Variants in ATP11B observed in about 807,000 individuals in gnomAD.
ATP11B encodes ATPase phospholipid transporting 11B (putative), also known as phospholipid-transporting ATPase IF.
Under a neutral mutation model 157.8 loss-of-function variants are expected in ATP11B, and 81 were observed. The ratio of observed to expected loss-of-function variants is 0.51; its 90% CI spans 0.43 to 0.62. The LOEUF (loss-of-function observed/expected upper bound fraction) is 0.62. ATP11B is among the 20% of genes least tolerant of loss of function. The pLI is 0.00. For missense variants in ATP11B, 1,165 were observed against 1,402.2 expected, an observed-to-expected ratio of 0.83 and a Z score of 2.70; for synonymous variants, 451 against 469.4, an observed-to-expected ratio of 0.96 and a Z score of 0.51.
intron 8 of ATP11B, among the ~76,000 whole-genome samples, chr3:182,843,026 C>G (rs1328273729): frequency 2.6e-5 from 4 of 152,330 alleles, no homozygotes; most frequent in African/African-American, 7.2e-5. Flanking sequence ...TTCACTCTTT[C>G]AGGCATCTGG....
At chr3:182,799,459 G>A (rs1715841630) in intron 1 of ATP11B, among the ~76,000 whole-genome samples, 1 of 151,852 alleles carries the variant, frequency 6.6e-6, no homozygotes, top group South Asian at 2.1e-4. Context: ...TGTATTTTTA[G>A]TAGAGATGGG....
intron 29 of ATP11B, chr3:182,916,590 A>G (rs1013143262): frequency 2.0e-6 from 2 of 984,984 alleles, no homozygotes; most frequent in African/African-American, 1.7e-5. Context: ...CTGTTCGTGT[A>G]TTACTAACAG....
rs143432674 is a variant in ATP11B at position 182,838,497 on chromosome 3, A to G, written c.656+1323A>G. 2.6e-3 allele frequency among the ~76,000 whole-genome samples: 395 copies of G among 152,216 alleles called. 2 individuals carry two copies. The highest frequency in any genetic ancestry group is 9.0e-3 in the African/African-American group (376 of 41,566). ...ATAAACACTTTCTCTTATTGGAAGT[A>G]TGTGTTTTGTTTTAAATATAAGTAA... On this transcript the variant is annotated intron_variant, in intron 7 of 29. Transcript: ENST00000323116.
intron 28 of ATP11B, chr3:182,905,937 C>T (rs997554606): frequency 2.2e-6 from 1 of 453,534 alleles, no homozygotes; most frequent in Non-Finnish European, 4.4e-6. Context: ...TGCGCTGGAC[C>T]TTCCCGGGCA....
chr3:182,805,453 GC>G lies in ATP11B; in HGVS notation c.27+11668del, dbSNP rs997537123. 7.4e-5 allele frequency among the ~76,000 whole-genome samples: 11 copies of G among 149,282 alleles called. No homozygotes were observed. In the South Asian group the frequency reaches 8.5e-4, roughly 11 times the overall value. ...GAGAAATGCCTATTCAGATATTTTT[GC>G]TTTTTTTTTTTTCTTTTGAGACGGA... On this transcript the variant is annotated intron_variant, in intron 1 of 29. Coordinates refer to ENST00000323116, the MANE Select transcript of ATP11B (RefSeq NM_014616.3).
At chr3:182,874,811 T>A (rs537682649) in intron 19 of ATP11B, among the ~76,000 whole-genome samples, 22 of 152,306 alleles carry the variant, frequency 1.4e-4, no homozygotes, top group African/African-American at 5.3e-4. Context: ...TTTAAAAAAT[T>A]ATACTCAATG....
rs1039166024 is a variant in ATP11B at position 182,869,638 on chromosome 3, A to G, written c.1866+307A>G. 3.9e-5 allele frequency among the ~76,000 whole-genome samples: 6 copies of G among 152,366 alleles called. No homozygotes were observed. In the South Asian group the frequency reaches 1.2e-3, roughly 32 times the overall value. ...ATGATGTGGAGAAACTGGAACCCTTATACACATATTGCTGGTAAGATTATA... is the reference window on the plus strand; with the variant it reads ...ATGATGTGGAGAAACTGGAACCCTTGTACACATATTGCTGGTAAGATTATA... On this transcript the variant is annotated intron_variant, in intron 17 of 29. Transcript: ENST00000323116.
At chr3:182,832,329 T>G (rs1576987725) in intron 4 of ATP11B, among the ~76,000 whole-genome samples, 1 of 152,164 alleles carries the variant, frequency 6.6e-6, no homozygotes, top group South Asian at 2.1e-4. Flanking sequence ...AAAGGTCATA[T>G]AGTTTTCAAA....
At chr3:182,823,965 C>A (rs1463276601) in intron 2 of ATP11B, among the ~76,000 whole-genome samples, 2 of 152,014 alleles carry the variant, frequency 1.3e-5, no homozygotes, top group Non-Finnish European at 2.9e-5. Flanking sequence ...CAAAAAAAAT[C>A]TTTCATGGTC....
chr3:182,890,345 A>G (rs1279375440), intron 25 of ATP11B, among the ~76,000 whole-genome samples: 1 of 152,216 alleles, frequency 6.6e-6, no homozygotes, highest in East Asian at 1.9e-4. Flanking sequence ...GTTTGGAGAT[A>G]CAGACATACA....
chr3:182,857,922 C>T lies in ATP11B; in HGVS notation c.896C>T (p.Ser299Phe). ...ATAATTTATCTAGTAATTCTTATAT[C>T]TGAAGCTGTCATCAGCACTATCTTG... ...FLIIYLVILI[S>F]EAVISTILKY... Residue 299 changes from serine to phenylalanine, a missense_variant, in exon 11 of 30, where the codon TCT (serine) becomes TTT (phenylalanine). Coordinates refer to ENST00000323116, the MANE Select transcript of ATP11B (RefSeq NM_014616.3). The T allele has an allele frequency of 1.3e-6, 2 of 1,572,264 alleles. No homozygotes were observed. The highest frequency in any genetic ancestry group is 8.7e-7 in the Non-Finnish European group (1 of 1,143,622).
rs1008710956 is a variant in ATP11B, at chr3:182,859,096, C to A, written c.1003-66C>A. On this transcript the variant is annotated intron_variant, in intron 11 of 29. Transcript: ENST00000323116. Reference sequence around the variant, plus strand: ...AGGCATGAAACTTTCTGGTAATTTTCATCAGTAATACTGAAGAAATTCTAG... The same window carrying A: ...AGGCATGAAACTTTCTGGTAATTTTAATCAGTAATACTGAAGAAATTCTAG... The A allele has an allele frequency of 4.2e-6, 5 of 1,193,446 alleles. No individual in the cohort carries two copies. The Admixed American group carries it at 9.7e-5, about 23-fold the overall frequency. 73.9% of individuals were successfully genotyped at this position (1,193,446 alleles called of 1,614,324 possible). A position where few individuals can be genotyped will look rare whatever the true frequency, so the allele number is the denominator to read the frequency against.
At chr3:182,879,397 A>G (rs572015391) in intron 19 of ATP11B, 99 bp from the exon 20 acceptor site, 2 of 1,060,436 alleles carry the variant, frequency 1.9e-6, no homozygotes, top group Non-Finnish European at 2.6e-6. Context: ...GGCTGTGGGT[A>G]AAAGATCCAT....
At chr3:182,881,657 C>T (rs1722437707) in intron 21 of ATP11B, among the ~76,000 whole-genome samples, 1 of 151,958 alleles carries the variant, frequency 6.6e-6, no homozygotes, top group African/African-American at 2.4e-5. Context: ...TTATCTTTGC[C>T]GATTATTTTT....
chr3:182,820,601 C>T (rs968965356), intron 2 of ATP11B, among the ~76,000 whole-genome samples: 6 of 151,832 alleles, frequency 4.0e-5, no homozygotes, highest in African/African-American at 1.5e-4. Context: ...CCTGGGAAGT[C>T]GAGGGTGCAG....
chr3:182,835,092 A>G (rs1431479146), intron 4 of ATP11B, among the ~76,000 whole-genome samples: 1 of 152,142 alleles, frequency 6.6e-6, no homozygotes, highest in Non-Finnish European at 1.5e-5. Context: ...CTGAGGAGGA[A>G]GAGGAGAGGT....
intron 15 of ATP11B, 115 bp downstream of exon 15, chr3:182,867,559 A>G: frequency 1.9e-6 from 1 of 522,698 alleles, no homozygotes; most frequent in Non-Finnish European, 3.3e-6. Flanking sequence ...CTGTTTTTCT[A>G]CAGCCCACAA....
intron 12 of ATP11B, among the ~76,000 whole-genome samples, chr3:182,865,051 A>G (rs900737509): frequency 3.9e-5 from 6 of 152,070 alleles, no homozygotes; most frequent in African/African-American, 1.4e-4. Context: ...GCTCTGCACT[A>G]TTTCTCCTCA....
chr3:182,802,759 C>T (rs1301595443), intron 1 of ATP11B, among the ~76,000 whole-genome samples: 1 of 152,114 alleles, frequency 6.6e-6, no homozygotes, highest in Non-Finnish European at 1.5e-5. Context: ...TACTCCAAAA[C>T]TTGCTAGTCT....
Sources: gnomAD v4.1 joint callset for allele counts (sites outside exome capture counted in the v4.1 genomes callset) on GRCh38, gnomAD v4.1.1 for gene constraint, MANE v1.5 for transcripts, NCBI Gene and HGNC (gene_info 2026-07-23, HGNC 2026-07-21) for gene names.